Variants in CFAP299 observed in about 807,000 individuals in gnomAD.
CFAP299 encodes cilia and flagella associated protein 299, also known as cilia- and flagella-associated protein 299.
In CFAP299, 21 loss-of-function variants were observed where a neutral mutation model predicts 27.0. The ratio of observed to expected loss-of-function variants is 0.78; its 90% CI spans 0.55 to 1.12. CFAP299 has a LOEUF of 1.12. Ranked by LOEUF, CFAP299 falls within the 50% of genes most tolerant of loss-of-function variation. The pLI is 0.00. For synonymous variants in CFAP299, 104 were observed against 98.1 expected, an observed-to-expected ratio of 1.06 and a Z score of -0.36; for missense variants, 310 against 276.6, an observed-to-expected ratio of 1.12 and a Z score of -0.86.
Position 80,954,327 on chromosome 4 carries a change from C to T in CFAP299, c.607-9190C>T, listed in dbSNP as rs550348497. On this transcript the variant is annotated intron_variant, in intron 5 of 5. Coordinates refer to ENST00000358105, the MANE Select transcript of CFAP299 (RefSeq NM_152770.3). Reference sequence around the variant, plus strand: ...TTAATTCCCATGACTCTTTCTCAGCCATTCACCACTCCCAGCAAATACTCA... The same window carrying T: ...TTAATTCCCATGACTCTTTCTCAGCTATTCACCACTCCCAGCAAATACTCA... 2.6e-5 allele frequency among the ~76,000 whole-genome samples: 4 copies of T among 152,246 alleles called. No individual in the cohort carries two copies. In the East Asian group the frequency reaches 5.8e-4, roughly 22 times the overall value.
intron 3 of CFAP299, among the ~76,000 whole-genome samples, chr4:80,767,859 T>C (rs1236834585): frequency 6.6e-6 from 1 of 152,222 alleles, no homozygotes; most frequent in Non-Finnish European, 1.5e-5. Flanking sequence ...CACTTATTTA[T>C]CAAACACAAC....
chr4:80,480,584 A>G (rs1387275971), intron 2 of CFAP299, among the ~76,000 whole-genome samples: 1 of 152,116 alleles, frequency 6.6e-6, no homozygotes. Context: ...TAGGTTTGCA[A>G]TTTAAGCACG....
chr4:80,863,613 G>A (rs1331815579), intron 3 of CFAP299, among the ~76,000 whole-genome samples: 2 of 151,906 alleles, frequency 1.3e-5, no homozygotes, highest in African/African-American at 4.8e-5. Context: ...TTCATTGCTT[G>A]TTCATGTGGG....
intron 2 of CFAP299, among the ~76,000 whole-genome samples, chr4:80,517,216 G>A (rs1732631097): frequency 6.6e-6 from 1 of 152,098 alleles, no homozygotes; most frequent in Non-Finnish European, 1.5e-5. Flanking sequence ...TAAATTGTGG[G>A]GTAGGAAGGA....
intron 3 of CFAP299, among the ~76,000 whole-genome samples, chr4:80,612,741 T>G (rs1738059627): frequency 6.6e-6 from 1 of 152,014 alleles, no homozygotes; most frequent in Admixed American, 6.6e-5. Flanking sequence ...GTACATAGTT[T>G]GAAATTAATT....
chr4:80,554,257 AT>A (rs1386516629), intron 2 of CFAP299, among the ~76,000 whole-genome samples: 7 of 151,966 alleles, frequency 4.6e-5, no homozygotes, highest in African/African-American at 1.5e-4. Flanking sequence ...TCTTTTCCCC[AT>A]TGCTTATTTT....
intron 4 of CFAP299, among the ~76,000 whole-genome samples, chr4:80,882,938 A>G (rs1027928357): frequency 6.6e-5 from 10 of 152,188 alleles, no homozygotes; most frequent in Non-Finnish European, 1.3e-4. Context: ...AGAGGACACA[A>G]ATAGATGCTG....
At chr4:80,429,898 A>T (rs973880318) in intron 2 of CFAP299, among the ~76,000 whole-genome samples, 1 of 152,138 alleles carries the variant, frequency 6.6e-6, no homozygotes, top group African/African-American at 2.4e-5. Context: ...TAAAATAAAT[A>T]ATCTGGATGC....
intron 3 of CFAP299, among the ~76,000 whole-genome samples, chr4:80,672,549 C>G (rs912033932): frequency 1.3e-5 from 2 of 152,088 alleles, no homozygotes; most frequent in African/African-American, 4.8e-5. Flanking sequence ...CCCTCTTTTT[C>G]TATTGGTGGG....
intron 1 of CFAP299, among the ~76,000 whole-genome samples, chr4:80,338,680 G>A (rs143258718): frequency 1.1e-4 from 16 of 152,318 alleles, no homozygotes; most frequent in African/African-American, 3.6e-4. Context: ...AGCGCCTGAT[G>A]TAGTGGATAT....
chr4:80,717,049 C>T (rs973445272), intron 3 of CFAP299, among the ~76,000 whole-genome samples: 2 of 152,072 alleles, frequency 1.3e-5, no homozygotes, highest in African/African-American at 4.8e-5. Flanking sequence ...TATTGAGTAA[C>T]CAATGTTGTG....
At chr4:80,400,792 G>C (rs888100301) in intron 2 of CFAP299, among the ~76,000 whole-genome samples, 5 of 152,218 alleles carry the variant, frequency 3.3e-5, no homozygotes, top group African/African-American at 1.2e-4. Flanking sequence ...GGTTGGAACA[G>C]TTTGGAGGGC....
chr4:80,758,742 A>T (rs909207224), intron 3 of CFAP299, among the ~76,000 whole-genome samples: 12 of 152,258 alleles, frequency 7.9e-5, no homozygotes, highest in African/African-American at 2.6e-4. Flanking sequence ...CCTTCCTAAA[A>T]TGTTTGTTCA....
intron 2 of CFAP299, among the ~76,000 whole-genome samples, chr4:80,496,969 A>G (rs1433333230): frequency 1.3e-5 from 2 of 152,176 alleles, no homozygotes; most frequent in South Asian, 2.1e-4. Flanking sequence ...CACAAAACCT[A>G]CTATCACAAA....
At chr4:80,493,316 G>A (rs1731240076) in intron 2 of CFAP299, among the ~76,000 whole-genome samples, 1 of 152,194 alleles carries the variant, frequency 6.6e-6, no homozygotes, top group South Asian at 2.1e-4. Context: ...ATTTGGACAA[G>A]GGAGAGGAAG....
chr4:80,847,346 GAC>G (rs1384060334), intron 3 of CFAP299, among the ~76,000 whole-genome samples: 1 of 152,150 alleles, frequency 6.6e-6, no homozygotes, highest in Admixed American at 6.5e-5. Flanking sequence ...TATGCCCCTT[GAC>G]ACAATCTCTC....
At chr4:80,554,985 C>G (rs975505400) in intron 2 of CFAP299, among the ~76,000 whole-genome samples, 6 of 152,076 alleles carry the variant, frequency 3.9e-5, no homozygotes, top group African/African-American at 1.2e-4. Context: ...TTTGGATGCC[C>G]TTTATTTCTT....
At chr4:80,469,212 CTGT>C (rs1393508357) in intron 2 of CFAP299, among the ~76,000 whole-genome samples, 97 of 152,310 alleles carry the variant, frequency 6.4e-4, no homozygotes, top group African/African-American at 2.2e-3. Context: ...TGGAGGATCC[CTGT>C]GATATGTTTT....
Position 80,932,796 on chromosome 4 carries a change from C to T in CFAP299, c.477-12014C>T, listed in dbSNP as rs137952737. 2.9e-3 allele frequency among the ~76,000 whole-genome samples: 442 copies of T among 152,168 alleles called. 1 individual carries two copies. Among genetic ancestry groups the T allele is most frequent in the African/African-American group, 0.01 (421 of 41,536 alleles). On this transcript the variant is annotated intron_variant, in intron 4 of 5. Coordinates refer to ENST00000358105, the MANE Select transcript of CFAP299 (RefSeq NM_152770.3). ...GGTGTGGAGACCACACATCTGATTG[C>T]CCAGGATAGTCCAAGCTTACTCTTG... is the stretch of plus-strand genomic sequence containing the variant.
Sources: allele counts gnomAD v4.1 joint callset (sites outside exome capture counted in the v4.1 genomes callset), GRCh38; gene constraint gnomAD v4.1.1; transcripts MANE v1.5; gene names NCBI Gene and HGNC (gene_info 2026-07-23, HGNC 2026-07-21).